SLC4A1: variants seen among roughly 807,000 people sequenced by gnomAD.
The protein encoded by SLC4A1 is solute carrier family 4 member 1 (Diego blood group).
A neutral mutation model predicts 93.1 loss-of-function variants in SLC4A1; 29 were observed. That is an observed-to-expected ratio of 0.31 (90% confidence interval 0.23 to 0.42). The LOEUF (loss-of-function observed/expected upper bound fraction) is 0.42. SLC4A1 is among the 20% of genes least tolerant of loss of function. The pLI, the probability that SLC4A1 is intolerant of heterozygous loss-of-function variation, is 1.00. For missense variants in SLC4A1, 965 were observed against 1,190.1 expected, an observed-to-expected ratio of 0.81 and a Z score of 2.78; for synonymous variants, 469 against 497.2, an observed-to-expected ratio of 0.94 and a Z score of 0.76.
rs2047433820 is a variant in SLC4A1 at position 44,260,520 on chromosome 17, C to T, written c.369G>A (p.Leu123=). The T allele has an allele frequency of 2.5e-6, 4 of 1,614,212 alleles. No individual in the cohort carries two copies. The East Asian group carries it at 6.7e-5, about 27-fold the overall frequency. The change falls in exon 6 of 20, where the codon CTG becomes CTA. Residue 123 remains leucine (L), a synonymous_variant. Coordinates refer to ENST00000262418, the MANE Select transcript of SLC4A1 (RefSeq NM_000342.4). ...VFTKGTVLLD[L]QETSLAGVAN... ...CCACTCCAGCCAGGGAGGTCTCTTG[C>T]AGGTCTAGGAGGACAGTACCTGCAG...
At chr17:44,260,060 G>T in intron 6 of SLC4A1, 128 bp from the exon 7 acceptor site, 1 of 1,222,482 alleles carries the variant, frequency 8.2e-7, no homozygotes, top group Non-Finnish European at 1.2e-6. Context: ...GGACTTCCCA[G>T]ACCAGACCAG....
intron 13 of SLC4A1, among the ~76,000 whole-genome samples, chr17:44,256,880 C>T (rs2047393763): frequency 6.6e-6 from 1 of 152,192 alleles, no homozygotes; most frequent in Admixed American, 6.5e-5. Flanking sequence ...TATGTTGACA[C>T]AGACACATAT....
Position 44,251,236 on chromosome 17 carries a change from G to C in SLC4A1, c.2578C>G (p.Pro860Ala), listed in dbSNP as rs530808737. The change falls in exon 19 of 20, where the codon CCC becomes GCC. Residue 860 changes from proline to alanine, a missense_variant. This residue lies in a region of SLC4A1 where 770 missense variants were observed against 1,006.6 expected (regional missense o/e 0.76). Coordinates refer to ENST00000262418, the MANE Select transcript of SLC4A1 (RefSeq NM_000342.4). Reference sequence around the variant, plus strand: ...GGCACAGTGAGGATGAGGACGAAGGGCAGGGCCAGGGAGGCCGGCGTGGAC... The same window carrying C: ...GGCACAGTGAGGATGAGGACGAAGGCCAGGGCCAGGGAGGCCGGCGTGGAC... ...VKSTPASLALPFVLILTVPLR... is the reference protein window; with the variant it reads ...VKSTPASLALAFVLILTVPLR... 2 of 1,614,050 alleles carry C rather than the reference G, an allele frequency of 1.2e-6. No homozygotes were observed. The highest frequency in any genetic ancestry group is 1.7e-6 in the Non-Finnish European group (2 of 1,180,022).
At chr17:44,254,391 C>T in intron 16 of SLC4A1, 105 bp downstream of exon 16, 14 of 1,085,056 alleles carry the variant, frequency 1.3e-5, no homozygotes, top group Non-Finnish European at 1.9e-5. Context: ...CACACACCCG[C>T]AGGGACTAGC....
chr17:44,266,532 C>T lies in SLC4A1; in HGVS notation c.-69+1522G>A, dbSNP rs143105650. 1.4e-4 allele frequency among the ~76,000 whole-genome samples: 22 copies of T among 152,282 alleles called. No individual in the cohort carries two copies. In the South Asian group the frequency reaches 1.4e-3, roughly 10 times the overall value. On this transcript the variant is annotated intron_variant, in intron 1 of 19. Coordinates refer to ENST00000262418, the MANE Select transcript of SLC4A1 (RefSeq NM_000342.4). ...CCTTGGGCAGCTTCCAGCCTGTAGG[C>T]CTCAGTCACCCCATCTGTACAATGG...
At position 44,262,937 on chromosome 17, in the gene SLC4A1, GC is replaced by G. The variant is rs2047460136; in HGVS notation, c.-68-4del. The G allele has an allele frequency of 6.2e-7, 1 of 1,611,356 alleles. No individual in the cohort carries two copies. Among genetic ancestry groups the G allele is most frequent in the African/African-American group, 1.3e-5 (1 of 74,894 alleles). The stretch of plus-strand genomic sequence containing the variant: ...AGCATAACCCGCACCGCGGGTCCCT[GC>G]AGCAGAGGGCACAGGCTGAGTGGGG... On this transcript the variant is annotated splice_region_variant and splice_polypyrimidine_tract_variant and intron_variant, in intron 1 of 19. Coordinates refer to ENST00000262418, the MANE Select transcript of SLC4A1 (RefSeq NM_000342.4).
intron 4 of SLC4A1, among the ~76,000 whole-genome samples, chr17:44,261,191 A>G (rs933520382): frequency 1.2e-4 from 18 of 152,216 alleles, no homozygotes; most frequent in Non-Finnish European, 2.4e-4. Context: ...TCCAAGGGCC[A>G]TAGCTGAGGG....
chr17:44,258,279 G>C lies in SLC4A1; in HGVS notation c.1088-99C>G, dbSNP rs2047408768. The C allele has an allele frequency of 1.4e-6, 2 of 1,429,502 alleles. No homozygotes were observed. Among genetic ancestry groups the C allele is most frequent in the African/African-American group, 1.4e-5 (1 of 71,274 alleles). 88.6% of individuals were successfully genotyped at this position (1,429,502 alleles called of 1,614,324 possible). On this transcript the variant is annotated intron_variant, in intron 10 of 19. Coordinates refer to ENST00000262418, the MANE Select transcript of SLC4A1 (RefSeq NM_000342.4). The surrounding 1 kb of genome is among the most constrained non-coding windows in gnomAD (Gnocchi z 6.1). ...AGGGGAGATTGTCTGATGGGAATGG[G>C]GCGGCGAAGAAGTCTGGAAGATGTG...
chr17:44,250,495 C>G lies in SLC4A1; in HGVS notation c.2699G>C (p.Gly900Ala), dbSNP rs1458681694. ...GGCCACTTCGTCGTATTCATCCCGA[C>G]CTTCCTCCTCATCAAAGGTTGCCTT... The part of the protein sequence containing the change: ...DAKATFDEEE[G>A]RDEYDEVAMP... Residue 900 changes from glycine to alanine, a missense_variant, in exon 20 of 20, where the codon GGT becomes GCT. Around this residue, in one of 2 missense-constraint regions of SLC4A1, gnomAD observed 770 missense variants for 1,006.6 expected, o/e 0.76. Coordinates refer to ENST00000262418, the MANE Select transcript of SLC4A1 (RefSeq NM_000342.4). 1 of 1,614,024 alleles carries G rather than the reference C, an allele frequency of 6.2e-7. No homozygotes were observed. The highest frequency in any genetic ancestry group is 8.5e-7 in the Non-Finnish European group (1 of 1,179,980).
Position 44,258,330 on chromosome 17 carries a change from CAT to C in SLC4A1, c.1087+81_1087+82del, listed in dbSNP as rs2047409244. 5.5e-6 allele frequency: 8 copies of C among 1,450,344 alleles called. 1 individual carries two copies. In the African/African-American group the frequency reaches 1.1e-4, roughly 20 times the overall value. The allele number at this position is 1,450,344 out of a possible 1,614,324, so 89.8% of individuals were successfully genotyped here. A position where few individuals can be genotyped will look rare whatever the true frequency, so the allele number is the denominator to read the frequency against. On this transcript the variant is annotated intron_variant, in intron 10 of 19. Coordinates refer to ENST00000262418, the MANE Select transcript of SLC4A1 (RefSeq NM_000342.4). The surrounding 1 kb of genome is among the most constrained non-coding windows in gnomAD (Gnocchi z 6.1). ...GGCAAAGGGAGCGATGAGAGGGGAA[CAT>C]GTGATGGGAGACAGAGGCTACGCTG... is the stretch of plus-strand genomic sequence containing the variant.
Position 44,257,987 on chromosome 17 carries a change from C to T in SLC4A1, c.1281G>A (p.Leu427=). ...AGGGAGACAGGTATTGGCACTGACC[C>T]AGGAGGCCGCCGAAGGTGATGGCGG... ...LSPAITFGGL[L]GEKTRNQMGV... is the part of the protein sequence containing the mutation. The change falls in exon 11 of 20, where the codon CTG becomes CTA. Residue 427 remains leucine (L), a splice_region_variant and synonymous_variant. Coordinates refer to ENST00000262418, the MANE Select transcript of SLC4A1 (RefSeq NM_000342.4). 1 of 1,614,064 alleles carries T rather than the reference C, an allele frequency of 6.2e-7. No homozygotes were observed. Among genetic ancestry groups the T allele is most frequent in the Non-Finnish European group, 8.5e-7 (1 of 1,180,024 alleles).
rs146938965 is a variant in SLC4A1 at position 44,266,700 on chromosome 17, G to T, written c.-69+1354C>A. On this transcript the variant is annotated intron_variant, in intron 1 of 19. Transcript: ENST00000262418. ...CAGCCAGGCCGCCCCCCAGCTGCAG[G>T]CCTTGTGCTGCCTAGCACTGATAAG... Among the ~76,000 whole-genome samples the T allele has an allele frequency of 9.1e-4, 138 of 152,310 alleles. 1 individual carries two copies. The highest frequency in any genetic ancestry group is 2.7e-3 in the Admixed American group (41 of 15,294).
chr17:44,251,076 A>T, intron 19 of SLC4A1, 83 bp downstream of exon 19: 2 of 1,450,186 alleles, frequency 1.4e-6, no homozygotes, highest in Non-Finnish European at 1.9e-6. Context: ...TTTACCCATG[A>T]CTCTGTCCTG....
At chr17:44,267,364 A>G (rs1391313525) in intron 1 of SLC4A1, among the ~76,000 whole-genome samples, 3 of 152,198 alleles carry the variant, frequency 2.0e-5, no homozygotes, top group Admixed American at 6.5e-5. Flanking sequence ...GACCTGTTGT[A>G]AGCATTAAGG....
rs1207640724 is a variant in SLC4A1, at chr17:44,260,689, G to A, written c.295C>T (p.Leu99Phe). 6.2e-7 allele frequency: 1 copy of A among 1,614,192 alleles called. No homozygotes were observed. The highest frequency in any genetic ancestry group is 8.5e-7 in the Non-Finnish European group (1 of 1,180,030). Residue 99 changes from leucine to phenylalanine, a missense_variant, in exon 5 of 20, where the codon CTC (leucine) becomes TTC (phenylalanine). Around this residue, in one of 2 missense-constraint regions of SLC4A1, gnomAD observed 195 missense variants for 183.5 expected, o/e 1.06. Transcript: ENST00000262418. ...AGGCTCCAGAAGGTGAGGTGAGAGAGGTGCGGGCGGCCCCAGGCCCCATTC... is the reference window on the plus strand; with the variant it reads ...AGGCTCCAGAAGGTGAGGTGAGAGAAGTGCGGGCGGCCCCAGGCCCCATTC... ...GENGAWGRPHLSHLTFWSLLE... is the reference protein window; with the variant it reads ...GENGAWGRPHFSHLTFWSLLE...
rs376748618 is a variant in SLC4A1, at chr17:44,251,378, T to G, written c.2481+41A>C. On this transcript the variant is annotated intron_variant, in intron 18 of 19. Transcript: ENST00000262418. ...CAGTGCCTATCACACCCCAGCACCC[T>G]CTACCACCCCAGGCTGGGCAGCCAG... 54 of 1,614,062 alleles carry G rather than the reference T, an allele frequency of 3.3e-5. No homozygotes were observed. The African/African-American group carries it at 6.9e-4, about 21-fold the overall frequency.
chr17:44,248,849 GTTTTTTTTTTT>G lies in SLC4A1; in HGVS notation c.*1598_*1608del, dbSNP rs57466226. 41 of 71,768 alleles carry G rather than the reference GTTTTTTTTTTT, an allele frequency of 5.7e-4. 2 individuals are homozygous for G. The highest frequency in any genetic ancestry group is 2.6e-3 in the East Asian group (4 of 1,534). 4.4% of individuals were successfully genotyped at this position (71,768 alleles called of 1,614,324 possible). A position where few individuals can be genotyped will look rare whatever the true frequency, so the allele number is the denominator to read the frequency against. On this transcript the variant is annotated 3_prime_UTR_variant, in exon 20 of 20. Coordinates refer to ENST00000262418, the MANE Select transcript of SLC4A1 (RefSeq NM_000342.4). ...GCCCCCAAGGCTGATGTTTCCTTCC[GTTTTTTTTTTT>G]TTTTTTTTTTTTTTTTTGAGACAGG...
At chr17:44,259,415 G>C (rs45488001) in intron 8 of SLC4A1, 71 bp from the exon 9 acceptor site, 1 of 1,603,528 alleles carries the variant, frequency 6.2e-7, no homozygotes, top group East Asian at 2.2e-5. Context: ...ATGGGGCTGC[G>C]GGGGTCCAGG....
chr17:44,250,569 TGA>T (rs751092035), intron 19 of SLC4A1, 31 bp from the exon 20 acceptor site: 8 of 1,579,330 alleles, frequency 5.1e-6, no homozygotes, highest in Non-Finnish European at 7.0e-6. Flanking sequence ...AGAGACAGGG[TGA>T]GAGACCCTGG....
Sources: gnomAD v4.1 joint callset for allele counts (sites outside exome capture counted in the v4.1 genomes callset) on GRCh38, gnomAD v4.1.1 for gene constraint, gnomAD v4.1.1 regional missense constraint, Gnocchi (gnomAD v3.1) non-coding constraint, MANE v1.5 for transcripts, NCBI Gene and HGNC (gene_info 2026-07-23, HGNC 2026-07-21) for gene names.